The following CDH4 variants were observed in gnomAD, a reference collection of about 807,000 sequenced individuals.
CDH4 encodes the protein cadherin 4, also known as cadherin-4.
Under a neutral mutation model 86.0 loss-of-function variants are expected in CDH4, and 33 were observed. The observed-to-expected ratio is 0.38, with a 90% CI of 0.29 to 0.51. The LOEUF (loss-of-function observed/expected upper bound fraction) is 0.51, where lower values mean the gene tolerates loss of function less well. Among genes scored for constraint, CDH4 ranks in the 20% least tolerant of loss-of-function variants. The pLI is 0.86. For missense variants in CDH4, 1,114 were observed against 1,307.4 expected (o/e 0.85, Z 2.28); for synonymous variants, 555 against 549.4 (o/e 1.01, Z -0.14).
intron 2 of CDH4, among the ~76,000 whole-genome samples, chr20:61,416,024 TTC>T (rs910316690): frequency 2.1e-5 from 3 of 144,530 alleles, no homozygotes; most frequent in African/African-American, 7.9e-5. Flanking sequence ...TTTTTTTTTT[TTC>T]CCCGAAACAG....
chr20:61,374,434 A>G (rs1179568282), intron 2 of CDH4, among the ~76,000 whole-genome samples: 1 of 151,686 alleles, frequency 6.6e-6, no homozygotes, highest in Non-Finnish European at 1.5e-5. Context: ...GGGAGGGGCA[A>G]CTCTGCTTGC....
rs1427743076 is a variant in CDH4 at position 61,417,970 on chromosome 20, G to C, written c.169+163033G>C. Among the ~76,000 whole-genome samples the C allele has an allele frequency of 2.0e-5, 3 of 152,078 alleles. No homozygotes were observed. Among genetic ancestry groups the C allele is most frequent in the Admixed American group, 6.5e-5 (1 of 15,274 alleles). On this transcript the variant is annotated intron_variant, in intron 2 of 15. Transcript: ENST00000614565. The surrounding 1 kb of genome is among the most constrained non-coding windows in gnomAD (Gnocchi z 4.0). ...TGCACATGTTCTGTTTTAGGGGGAT[G>C]CTGCATTCGAGGCACAGAGAAGCCA...
chr20:61,481,534 A>C (rs1477767262), intron 2 of CDH4, among the ~76,000 whole-genome samples: 5 of 152,248 alleles, frequency 3.3e-5, no homozygotes, highest in Non-Finnish European at 5.9e-5. Context: ...GCAACCATAT[A>C]GTTGAATTTA....
At chr20:61,412,310 C>G (rs918723629) in intron 2 of CDH4, among the ~76,000 whole-genome samples, 7 of 152,190 alleles carry the variant, frequency 4.6e-5, no homozygotes, top group Non-Finnish European at 1.5e-5. Context: ...CTGTGCAGTC[C>G]CTCCCTGACC....
chr20:61,518,506 C>T lies in CDH4; in HGVS notation c.170-225057C>T, dbSNP rs2085841971. 6.6e-6 allele frequency among the ~76,000 whole-genome samples: 1 copy of T among 151,362 alleles called. No homozygotes were observed. The highest frequency in any genetic ancestry group is 1.5e-5 in the Non-Finnish European group (1 of 67,834). On this transcript the variant is annotated intron_variant, in intron 2 of 15. Transcript: ENST00000614565. This position sits in a 1 kb window ranked among gnomAD's most constrained non-coding sequence, Gnocchi z 6.3. ...CTTCCATCATTGATTCATCATCCAT[C>T]CATCCGTCCATCTATCATCCATCCA... is the stretch of plus-strand genomic sequence containing the variant.
At chr20:61,548,652 A>G (rs1206756837) in intron 2 of CDH4, among the ~76,000 whole-genome samples, 2 of 152,220 alleles carry the variant, frequency 1.3e-5, no homozygotes, top group Non-Finnish European at 2.9e-5. Context: ...AATTGCCTCT[A>G]AAAGCACCCA....
chr20:61,681,626 A>G lies in CDH4; in HGVS notation c.170-61937A>G, dbSNP rs1248226524. On this transcript the variant is annotated intron_variant, in intron 2 of 15. Coordinates refer to ENST00000614565, the MANE Select transcript of CDH4 (RefSeq NM_001794.5). The surrounding 1 kb of genome is among the most constrained non-coding windows in gnomAD (Gnocchi z 4.5). ...GGGAGGAGTCTCAGGATCCCCCTGC[A>G]GGAAGCCCGGAATCCCTTCCACAGG... Among the ~76,000 whole-genome samples the G allele has an allele frequency of 1.3e-5, 2 of 152,214 alleles. No homozygotes were observed. Among genetic ancestry groups the G allele is most frequent in the Non-Finnish European group, 2.9e-5 (2 of 68,024 alleles).
chr20:61,266,275 T>C (rs564978939), intron 2 of CDH4, among the ~76,000 whole-genome samples: 1 of 152,024 alleles, frequency 6.6e-6, no homozygotes, highest in South Asian at 2.1e-4. Context: ...TTTAATGAAT[T>C]TCCAGCCCCA....
At position 61,930,683 on chromosome 20, in the gene CDH4, CT is replaced by C. The variant is rs1404729683; in HGVS notation, c.2239+847del. Among the ~76,000 whole-genome samples, 5 of 152,224 alleles carry C rather than the reference CT, an allele frequency of 3.3e-5. No homozygotes were observed. The South Asian group carries it at 8.3e-4, about 25-fold the overall frequency. On this transcript the variant is annotated intron_variant, in intron 13 of 15. Coordinates refer to ENST00000614565, the MANE Select transcript of CDH4 (RefSeq NM_001794.5). Reference sequence around the variant, plus strand: ...GGATGTCTGAGTTATGAGGACTCTGCTTTTTTCCCCATTTCCAGACCTATCA... The same window carrying C: ...GGATGTCTGAGTTATGAGGACTCTGCTTTTTCCCCATTTCCAGACCTATCA...
chr20:61,300,175 T>C (rs939105233), intron 2 of CDH4, among the ~76,000 whole-genome samples: 1 of 152,020 alleles, frequency 6.6e-6, no homozygotes, highest in Admixed American at 6.6e-5. Context: ...GGTGGTGAGA[T>C]CCCAGGGGAG....
In CDH4 at chr20:61,873,955, C is replaced by T. The variant is rs1201146711; in HGVS notation, c.1050+55C>T. On this transcript the variant is annotated intron_variant, in intron 7 of 15. Coordinates refer to ENST00000614565, the MANE Select transcript of CDH4 (RefSeq NM_001794.5). ...GGGTGAGCTCCTGGTCCCCGCAGGACACCCACAGGACCCTCGGGGAGCCTC... is the reference window on the plus strand; with the variant it reads ...GGGTGAGCTCCTGGTCCCCGCAGGATACCCACAGGACCCTCGGGGAGCCTC... 10 of 1,585,160 alleles carry T rather than the reference C, an allele frequency of 6.3e-6. No homozygotes were observed. In the East Asian group the frequency reaches 2.2e-4, roughly 35 times the overall value.
intron 2 of CDH4, among the ~76,000 whole-genome samples, chr20:61,469,332 A>G (rs991095274): frequency 3.9e-5 from 6 of 152,170 alleles, no homozygotes; most frequent in African/African-American, 9.7e-5. Context: ...ACATTTCCAT[A>G]TATCTGTTTG....
At chr20:61,910,319 C>A in intron 8 of CDH4, 103 bp from the exon 9 acceptor site, 3 of 1,001,014 alleles carry the variant, frequency 3.0e-6, no homozygotes, top group Non-Finnish European at 4.6e-6. Flanking sequence ...ACGGTGTGTT[C>A]TGTTTGTGAA....
intron 2 of CDH4, among the ~76,000 whole-genome samples, chr20:61,425,023 C>A (rs540733238): frequency 6.6e-6 from 1 of 152,238 alleles, no homozygotes; most frequent in African/African-American, 2.4e-5. Flanking sequence ...GGTGCTGGCT[C>A]GTCCAGGAAA....
At chr20:61,819,232 A>G (rs1980891102) in intron 4 of CDH4, among the ~76,000 whole-genome samples, 1 of 152,222 alleles carries the variant, frequency 6.6e-6, no homozygotes, top group Admixed American at 6.5e-5. Context: ...AGGTAAGTGG[A>G]CACGAGAGTG....
At chr20:61,923,819 G>C in intron 10 of CDH4, 115 bp downstream of exon 10, 1 of 1,341,676 alleles carries the variant, frequency 7.5e-7, no homozygotes, top group Non-Finnish European at 1.0e-6. Flanking sequence ...TGGGTGGTCG[G>C]GGGCATCTCC....
intron 4 of CDH4, among the ~76,000 whole-genome samples, chr20:61,804,846 G>A (rs1475598566): frequency 6.6e-6 from 1 of 152,204 alleles, no homozygotes; most frequent in Non-Finnish European, 1.5e-5. Context: ...ACTCTAAAAG[G>A]CAGAGGCCAG....
At chr20:61,351,023 G>A (rs1432933593) in intron 2 of CDH4, among the ~76,000 whole-genome samples, 1 of 152,154 alleles carries the variant, frequency 6.6e-6, no homozygotes, top group Admixed American at 6.5e-5. Flanking sequence ...TCACGGTGGT[G>A]CTGGGGTGGC....
rs56253553 is a variant in CDH4 at position 61,572,824 on chromosome 20, TATGGATGG to T, written c.170-170701_170-170694del. ...ACAGATGATTCCTCTTTCAGAACAC[TATGGATGG>T]ATGGATGGATGGATGGATGGATGGA... is the stretch of plus-strand genomic sequence containing the variant. On this transcript the variant is annotated intron_variant, in intron 2 of 15. Transcript: ENST00000614565. Among the ~76,000 whole-genome samples the T allele has an allele frequency of 2.4e-3, 353 of 146,182 alleles. 1 individual carries two copies. Among genetic ancestry groups the T allele is most frequent in the Middle Eastern group, 7.0e-3 (2 of 284 alleles).
Sources: allele counts gnomAD v4.1 joint callset (sites outside exome capture counted in the v4.1 genomes callset), GRCh38; gene constraint gnomAD v4.1.1; non-coding constraint Gnocchi (gnomAD v3.1); transcripts MANE v1.5; gene names NCBI Gene and HGNC (gene_info 2026-07-23, HGNC 2026-07-21).